Variants in NRCAM observed in about 807,000 individuals in gnomAD.
NRCAM encodes the protein neuronal cell adhesion molecule.
Under a neutral mutation model 156.5 loss-of-function variants are expected in NRCAM, and 83 were observed. The observed-to-expected ratio is 0.53, with a 90% CI of 0.44 to 0.64. The LOEUF (loss-of-function observed/expected upper bound fraction) is 0.64. Ranked by LOEUF, NRCAM falls within the 30% of genes least tolerant of loss-of-function variation. NRCAM has a pLI of 0.00. For synonymous variants in NRCAM, 538 were observed against 563.9 expected, an observed-to-expected ratio of 0.95 and a Z score of 0.65; for missense variants, 1,417 against 1,597.3, an observed-to-expected ratio of 0.89 and a Z score of 1.92.
chr7:108,384,437 T>G (rs1278280682), intron 2 of NRCAM, among the ~76,000 whole-genome samples: 1 of 152,068 alleles, frequency 6.6e-6, no homozygotes. Context: ...TATTTCCATA[T>G]GAATTTGAAG....
Position 108,327,062 on chromosome 7 carries a change from G to C in NRCAM, c.-173-14331C>G, listed in dbSNP as rs186253479. ...TTTATTTTTAATCTACCTAACACCA[G>C]CTGTTGCCAGAGCCTTCCTATTAAG... On this transcript the variant is annotated intron_variant, in intron 2 of 32. Coordinates refer to ENST00000379028, the MANE Select transcript of NRCAM (RefSeq NM_001037132.4). Among the ~76,000 whole-genome samples, 7 of 152,242 alleles carry C rather than the reference G, an allele frequency of 4.6e-5. No individual in the cohort carries two copies. In the East Asian group the frequency reaches 1.4e-3, roughly 29 times the overall value.
intron 6 of NRCAM, among the ~76,000 whole-genome samples, chr7:108,233,903 G>A (rs2094604239): frequency 6.6e-6 from 1 of 152,064 alleles, no homozygotes; most frequent in Admixed American, 6.6e-5. Context: ...AGCATTACCA[G>A]GCATCAGTTT....
At position 108,167,030 on chromosome 7, in the gene NRCAM, G is replaced by A; in HGVS notation, c.3357C>T (p.Ser1119=). 1 of 1,613,880 alleles carries A rather than the reference G, an allele frequency of 6.2e-7. No homozygotes were observed. The highest frequency in any genetic ancestry group is 1.3e-5 in the African/African-American group (1 of 75,054). ...WRKEIVNGSR[S]FFGLKGLMPG... is the part of the protein sequence containing the mutation. ...GCATTAGACCCTTTAACCCAAAGAA[G>A]CTCCGAGAACCATTTACAATTTCTT... The change falls in exon 30 of 33, where the codon AGC becomes AGT. Residue 1119 remains serine, a synonymous_variant. Coordinates refer to ENST00000379028, the MANE Select transcript of NRCAM (RefSeq NM_001037132.4).
chr7:108,434,453 A>G (rs760595091), intron 1 of NRCAM, among the ~76,000 whole-genome samples: 5 of 152,064 alleles, frequency 3.3e-5, no homozygotes, highest in Non-Finnish European at 5.9e-5. Context: ...AAAGTGCTTC[A>G]CATATACTGA....
chr7:108,398,454 T>A (rs1235358943), intron 2 of NRCAM, among the ~76,000 whole-genome samples: 1 of 152,214 alleles, frequency 6.6e-6, no homozygotes, highest in Non-Finnish European at 1.5e-5. Context: ...TCATTCTCTA[T>A]ACTTCCTCCA....
intron 1 of NRCAM, among the ~76,000 whole-genome samples, chr7:108,442,253 C>G (rs1839400209): frequency 6.6e-6 from 1 of 152,134 alleles, no homozygotes; most frequent in South Asian, 2.1e-4. Flanking sequence ...CAGACAGCAG[C>G]TGCCACGAGT....
chr7:108,308,321 A>AT (rs1385231427), intron 3 of NRCAM, among the ~76,000 whole-genome samples: 1 of 152,212 alleles, frequency 6.6e-6, no homozygotes, highest in African/African-American at 2.4e-5. Flanking sequence ...TCTGATTCTA[A>AT]TAATCCCAGA....
intron 32 of NRCAM, chr7:108,150,661 T>C (rs377382299): frequency 1.4e-4 from 71 of 510,542 alleles, no homozygotes; most frequent in African/African-American, 1.3e-3. Context: ...AATTTTGTTA[T>C]CAATGCAGGC....
chr7:108,412,880 A>C (rs1328564042), intron 1 of NRCAM, among the ~76,000 whole-genome samples: 1 of 152,142 alleles, frequency 6.6e-6, no homozygotes, highest in East Asian at 1.9e-4. Flanking sequence ...ACAGGATCTT[A>C]TTCTTTTTAT....
rs1280947243 is a variant in NRCAM, at chr7:108,226,314, G to T, written c.615C>A (p.Ser205=). 6.2e-7 allele frequency: 1 copy of T among 1,610,088 alleles called. No individual in the cohort carries two copies. Among genetic ancestry groups the T allele is most frequent in the Non-Finnish European group, 8.5e-7 (1 of 1,176,822 alleles). ...CGCGGGTGTCCTCTGGGAGGACATT[G>T]GAAAAATAAAGGTCCCCATTCAAAC... The part of the protein sequence containing the change: ...SQGLNGDLYF[S]NVLPEDTRED... Residue 205 remains serine, a synonymous_variant, in exon 9 of 33, where the codon TCC becomes TCA. Coordinates refer to ENST00000379028, the MANE Select transcript of NRCAM (RefSeq NM_001037132.4).
chr7:108,173,976 TC>T (rs1405172053), intron 28 of NRCAM, among the ~76,000 whole-genome samples: 2 of 152,216 alleles, frequency 1.3e-5, no homozygotes, highest in African/African-American at 2.4e-5. Flanking sequence ...TTCTCTGCTA[TC>T]AGCTCTAGGC....
At chr7:108,381,558 T>A (rs1457188668) in intron 2 of NRCAM, among the ~76,000 whole-genome samples, 1 of 147,978 alleles carries the variant, frequency 6.8e-6, no homozygotes, top group Non-Finnish European at 1.5e-5. Flanking sequence ...CATTTTTTTT[T>A]TTCTTTTTTT....
chr7:108,299,481 G>T lies in NRCAM; in HGVS notation c.-107+13184C>A, dbSNP rs112639327. Among the ~76,000 whole-genome samples the T allele has an allele frequency of 1.0e-2, 1,516 of 152,238 alleles. 33 individuals carry two copies. The highest frequency in any genetic ancestry group is 0.035 in the African/African-American group (1,437 of 41,524). On this transcript the variant is annotated intron_variant, in intron 3 of 32. Coordinates refer to ENST00000379028, the MANE Select transcript of NRCAM (RefSeq NM_001037132.4). ...TTCAGATAGAATCAGTCATATAAAA[G>T]ATAAGAATACCCAATGTAATAGCAG...
intron 2 of NRCAM, among the ~76,000 whole-genome samples, chr7:108,329,509 G>A (rs182633401): frequency 6.6e-6 from 1 of 152,294 alleles, no homozygotes; most frequent in Admixed American, 6.5e-5. Flanking sequence ...CACCAGCTAT[G>A]ATTCAAGTTT....
At chr7:108,218,611 T>C (rs1053212060) in intron 11 of NRCAM, among the ~76,000 whole-genome samples, 4 of 152,240 alleles carry the variant, frequency 2.6e-5, no homozygotes, top group East Asian at 1.9e-4. Flanking sequence ...TGAATGATCA[T>C]TGGGTAGAAA....
chr7:108,359,932 T>G (rs1394271467), intron 2 of NRCAM, among the ~76,000 whole-genome samples: 1 of 152,214 alleles, frequency 6.6e-6, no homozygotes, highest in Non-Finnish European at 1.5e-5. Context: ...GTTTTGTCTG[T>G]TCTTGAACTT....
intron 32 of NRCAM, among the ~76,000 whole-genome samples, chr7:108,151,424 T>G (rs1358940353): frequency 6.6e-6 from 1 of 152,170 alleles, no homozygotes; most frequent in Non-Finnish European, 1.5e-5. Flanking sequence ...CAGTGACTTT[T>G]TTTTTCAAGC....
chr7:108,225,927 C>T (rs1401965870), intron 9 of NRCAM, among the ~76,000 whole-genome samples: 4 of 152,148 alleles, frequency 2.6e-5, no homozygotes, highest in Non-Finnish European at 5.9e-5. Flanking sequence ...CAATAAGAGG[C>T]ACTGTGGAGC....
intron 2 of NRCAM, among the ~76,000 whole-genome samples, chr7:108,347,901 T>C (rs2099377155): frequency 6.6e-6 from 1 of 152,158 alleles, no homozygotes; most frequent in Non-Finnish European, 1.5e-5. Flanking sequence ...CCCTGCTTTA[T>C]TTACTCTGCC....
Sources: gnomAD v4.1 joint callset for allele counts (sites outside exome capture counted in the v4.1 genomes callset) on GRCh38, gnomAD v4.1.1 for gene constraint, MANE v1.5 for transcripts, NCBI Gene and HGNC (gene_info 2026-07-23, HGNC 2026-07-21) for gene names.